SH3D19: variants seen among roughly 807,000 people sequenced by gnomAD.
SH3D19 encodes SH3 domain containing 19.
A neutral mutation model predicts 112.1 loss-of-function variants in SH3D19; 58 were observed. The observed-to-expected ratio is 0.52, with a 90% confidence interval of 0.42 to 0.64. The LOEUF is 0.64. SH3D19 is among the 30% of genes least tolerant of loss of function. The pLI is 0.00. For synonymous variants in SH3D19, 391 were observed against 448.5 expected, an observed-to-expected ratio of 0.87 and a Z score of 1.62; for missense variants, 1,090 against 1,263.4, an observed-to-expected ratio of 0.86 and a Z score of 2.08.
rs1480463090 is a variant in SH3D19 at position 151,226,352 on chromosome 4, C to A, written c.113-266G>T. ...CATGCATTATTTCATTTTATAAGATCTTTCCTGTGCTAAATACTTTGCTAA... is the reference window on the plus strand; with the variant it reads ...CATGCATTATTTCATTTTATAAGATATTTCCTGTGCTAAATACTTTGCTAA... On this transcript the variant is annotated intron_variant, in intron 1 of 19. Transcript: ENST00000604030. The A allele has an allele frequency of 3.6e-6, 4 of 1,113,972 alleles. No homozygotes were observed. In the East Asian group the frequency reaches 1.4e-4, roughly 40 times the overall value. The allele number at this position is 1,113,972 out of a possible 1,614,324, so 69.0% of individuals were successfully genotyped here.
chr4:151,231,638 C>T (rs1248410958), intron 1 of SH3D19, among the ~76,000 whole-genome samples: 2 of 151,984 alleles, frequency 1.3e-5, no homozygotes, highest in East Asian at 1.9e-4. Flanking sequence ...GTTAAAAAAG[C>T]CAAGAAATTA....
intron 3 of SH3D19, among the ~76,000 whole-genome samples, chr4:151,182,588 C>T (rs1761127550): frequency 6.6e-6 from 1 of 152,186 alleles, no homozygotes; most frequent in Non-Finnish European, 1.5e-5. Flanking sequence ...GCTTTCCCCT[C>T]TCCTTGTCTG....
chr4:151,316,911 G>T (rs545159806), intron 1 of SH3D19, among the ~76,000 whole-genome samples: 1 of 152,292 alleles, frequency 6.6e-6, no homozygotes, highest in African/African-American at 2.4e-5. Flanking sequence ...CCTATGCCCT[G>T]AAACTACCTG....
intron 4 of SH3D19, among the ~76,000 whole-genome samples, chr4:151,178,417 A>G (rs757210191): frequency 6.6e-6 from 1 of 152,236 alleles, no homozygotes; most frequent in Non-Finnish European, 1.5e-5. Flanking sequence ...CTCATGCTAC[A>G]TTGTGAAACA....
chr4:151,236,364 G>A (rs148503667), intron 1 of SH3D19, among the ~76,000 whole-genome samples: 3,054 of 152,378 alleles, frequency 0.02, 58 homozygotes, highest in Middle Eastern at 0.034. Context: ...ATTGGGGGAT[G>A]AGCTCCCTCT....
chr4:151,318,840 C>T (rs1309003019), intron 1 of SH3D19, among the ~76,000 whole-genome samples: 1 of 152,168 alleles, frequency 6.6e-6, no homozygotes, highest in Admixed American at 6.5e-5. Flanking sequence ...CCAAGACAGT[C>T]TGATTCTCTC....
Position 151,150,240 on chromosome 4 carries a change from TATATATATATACACAC to T in SH3D19, c.1756-695_1756-680del, listed in dbSNP as rs1486150213. 3.6e-4 allele frequency among the ~76,000 whole-genome samples: 14 copies of T among 39,222 alleles called. 1 individual carries two copies. Among genetic ancestry groups the T allele is most frequent in the Non-Finnish European group, 1.1e-3 (10 of 9,374 alleles). 25.7% of individuals were successfully genotyped at this position (39,222 alleles called of 152,430 possible). On this transcript the variant is annotated intron_variant, in intron 9 of 19. Transcript: ENST00000604030. ...ATATATATATATATACACACACACA[TATATATATATACACAC>T]ATATATATACATATATATACACACA... is the stretch of plus-strand genomic sequence containing the variant.
chr4:151,158,442 G>T (rs1579855084), intron 9 of SH3D19, among the ~76,000 whole-genome samples: 1 of 152,150 alleles, frequency 6.6e-6, no homozygotes, highest in East Asian at 1.9e-4. Context: ...TGGGATTACA[G>T]GCACACGACA....
At chr4:151,142,398 C>T (rs1236761324) in intron 12 of SH3D19, among the ~76,000 whole-genome samples, 1 of 152,214 alleles carries the variant, frequency 6.6e-6, no homozygotes, top group Non-Finnish European at 1.5e-5. Context: ...ACCCTCCCCT[C>T]AGCCCCAGGC....
At chr4:151,221,117 T>G (rs72723770) in intron 2 of SH3D19, among the ~76,000 whole-genome samples, 406 of 152,306 alleles carry the variant, frequency 2.7e-3, no homozygotes, top group Non-Finnish European at 4.0e-3. Context: ...AGAATTATGT[T>G]TTCCTTCTTA....
At chr4:151,307,001 C>G (rs1288906537) in intron 1 of SH3D19, among the ~76,000 whole-genome samples, 1 of 150,988 alleles carries the variant, frequency 6.6e-6, no homozygotes. Flanking sequence ...GCTGCAATCA[C>G]TCCTAATGAT....
chr4:151,251,630 C>T (rs60499080), intron 1 of SH3D19, among the ~76,000 whole-genome samples: 5,622 of 152,208 alleles, frequency 0.037, 310 homozygotes, highest in African/African-American at 0.13. Context: ...TACTTTCCTC[C>T]TTTCCAGCTT....
At chr4:151,250,762 G>C (rs1771313391) in intron 1 of SH3D19, among the ~76,000 whole-genome samples, 1 of 152,154 alleles carries the variant, frequency 6.6e-6, no homozygotes, top group Admixed American at 6.5e-5. Context: ...CAGTCTGCTG[G>C]AGATAAAGAG....
At chr4:151,268,372 C>T (rs11733501) in intron 1 of SH3D19, among the ~76,000 whole-genome samples, 49,754 of 151,962 alleles carry the variant, frequency 0.33, 9,476 homozygotes, top group Non-Finnish European at 0.44. Flanking sequence ...TGAATGTGAA[C>T]GCCTAGGACA....
chr4:151,146,459 C>A (rs1753935678), intron 11 of SH3D19, among the ~76,000 whole-genome samples: 1 of 151,318 alleles, frequency 6.6e-6, no homozygotes. Flanking sequence ...GCCTCCTTAT[C>A]ATTTTTATTT....
chr4:151,255,172 C>G (rs1308625712), intron 1 of SH3D19, among the ~76,000 whole-genome samples: 1 of 150,200 alleles, frequency 6.7e-6, no homozygotes, highest in Non-Finnish European at 1.5e-5. Flanking sequence ...CGGGCGGAGA[C>G]GCTCCTCACT....
At chr4:151,135,603 T>C (rs1372649155) in intron 14 of SH3D19, among the ~76,000 whole-genome samples, 1 of 151,974 alleles carries the variant, frequency 6.6e-6, no homozygotes, top group African/African-American at 2.4e-5. Context: ...AATTTTTGTA[T>C]TTTTAGTAGA....
chr4:151,144,296 G>A (rs369418800), intron 11 of SH3D19: 12 of 1,612,818 alleles, frequency 7.4e-6, no homozygotes, highest in Admixed American at 5.0e-5. Context: ...CAGCTTAAAC[G>A]TAAACCAATA....
At chr4:151,182,036 T>C (rs1761037822) in intron 3 of SH3D19, among the ~76,000 whole-genome samples, 1 of 152,064 alleles carries the variant, frequency 6.6e-6, no homozygotes, top group Admixed American at 6.6e-5. Flanking sequence ...TCACCCAGGC[T>C]GGAGTGCGGT....
Sources: gnomAD v4.1 joint callset for allele counts (sites outside exome capture counted in the v4.1 genomes callset) on GRCh38, gnomAD v4.1.1 for gene constraint, MANE v1.5 for transcripts, NCBI Gene and HGNC (gene_info 2026-07-23, HGNC 2026-07-21) for gene names.